Variants in DYNC1I2 observed in about 807,000 individuals in gnomAD.
The protein encoded by DYNC1I2 is cytoplasmic dynein 1 intermediate chain 2.
DYNC1I2 carries 53 observed loss-of-function variants against 88.6 expected under a neutral mutation model. That is an observed-to-expected ratio of 0.60 (90% confidence interval 0.48 to 0.75). DYNC1I2 has a LOEUF of 0.75. DYNC1I2 is among the 30% of genes least tolerant of loss of function. The pLI is 0.00. For synonymous variants in DYNC1I2, 198 were observed against 254.6 expected (o/e 0.78, Z 2.12); for missense variants, 458 against 766.6 (o/e 0.60, Z 4.75).
At position 171,709,659 on chromosome 2, in the gene DYNC1I2, TG is replaced by T. The variant is rs532117834; in HGVS notation, c.335+2284del. ...TCTTGTTAGATAATGAATACAAAAT[TG>T]GTTTCTTGTGAGTTTAACGGAGAGA... is the stretch of plus-strand genomic sequence containing the variant. On this transcript the variant is annotated intron_variant, in intron 5 of 17. Transcript: ENST00000397119. Among the ~76,000 whole-genome samples the T allele has an allele frequency of 2.2e-3, 328 of 152,324 alleles. 1 individual carries two copies. In the Middle Eastern group the frequency reaches 0.027, roughly 13 times the overall value.
intron 7 of DYNC1I2, among the ~76,000 whole-genome samples, chr2:171,720,396 A>G (rs536875689): frequency 3.4e-4 from 52 of 152,286 alleles, no homozygotes; most frequent in Admixed American, 3.4e-3. Flanking sequence ...TGATCTTAAC[A>G]TTTGGAATTC....
At chr2:171,700,950 C>G (rs1025453058) in intron 3 of DYNC1I2, among the ~76,000 whole-genome samples, 1 of 151,750 alleles carries the variant, frequency 6.6e-6, no homozygotes, top group African/African-American at 2.4e-5. Flanking sequence ...AGTTTTATAG[C>G]CTGTCTTAGG....
chr2:171,723,613 A>G (rs567168020), intron 7 of DYNC1I2, among the ~76,000 whole-genome samples: 1 of 152,340 alleles, frequency 6.6e-6, no homozygotes, highest in East Asian at 1.9e-4. Flanking sequence ...ATGAGAATTC[A>G]TCTAAAAAGG....
At chr2:171,726,657 A>C in intron 10 of DYNC1I2, 134 bp from the exon 11 acceptor site, 1 of 984,382 alleles carries the variant, frequency 1.0e-6, no homozygotes, top group South Asian at 2.0e-5. Context: ...GCATAATGCT[A>C]GAGATGTCTC....
intron 3 of DYNC1I2, among the ~76,000 whole-genome samples, chr2:171,704,346 CT>C (rs761294733): frequency 2.0e-4 from 25 of 124,188 alleles, no homozygotes; most frequent in Admixed American, 2.4e-4. Context: ...TTTTTTTTTT[CT>C]TTTTTTTTTT....
intron 14 of DYNC1I2, 98 bp from the exon 15 acceptor site, chr2:171,729,611 T>C (rs1688475891): frequency 7.0e-6 from 9 of 1,280,328 alleles, no homozygotes; most frequent in Non-Finnish European, 9.8e-6. Context: ...TCTGTCAAAA[T>C]GAAGTCAAGG....
chr2:171,708,549 T>G (rs1255056811), intron 5 of DYNC1I2, among the ~76,000 whole-genome samples: 1 of 152,214 alleles, frequency 6.6e-6, no homozygotes, highest in Non-Finnish European at 1.5e-5. Flanking sequence ...CAAAATTTTC[T>G]TTTTAGAAAT....
intron 2 of DYNC1I2, among the ~76,000 whole-genome samples, chr2:171,690,693 A>G (rs1685338559): frequency 1.5e-5 from 2 of 137,426 alleles, no homozygotes; most frequent in African/African-American, 2.8e-5. Flanking sequence ...TCACTGTGTC[A>G]CTCGGACTGG....
At chr2:171,694,987 C>G (rs758599353) in intron 3 of DYNC1I2, among the ~76,000 whole-genome samples, 1 of 152,188 alleles carries the variant, frequency 6.6e-6, no homozygotes, top group Non-Finnish European at 1.5e-5. Flanking sequence ...TCTTGAAAGA[C>G]CATTCTTTAG....
chr2:171,740,578 A>G (rs936799148), intron 15 of DYNC1I2, among the ~76,000 whole-genome samples: 13 of 152,098 alleles, frequency 8.5e-5, no homozygotes, highest in Non-Finnish European at 1.5e-5. Flanking sequence ...GTGTTCCTAG[A>G]TACACAGGAT....
At chr2:171,716,591 C>A (rs1687509078) in intron 7 of DYNC1I2, among the ~76,000 whole-genome samples, 1 of 152,030 alleles carries the variant, frequency 6.6e-6, no homozygotes, top group Admixed American at 6.6e-5. Context: ...TTTAAATTTT[C>A]ATATTTGCCT....
At chr2:171,694,074 C>G (rs1490609641) in intron 3 of DYNC1I2, among the ~76,000 whole-genome samples, 1 of 150,614 alleles carries the variant, frequency 6.6e-6, no homozygotes, top group South Asian at 2.1e-4. Context: ...GTCTCACTCA[C>G]TCTCCCAGGC....
chr2:171,727,563 T>G (rs993479130), intron 11 of DYNC1I2, among the ~76,000 whole-genome samples: 14 of 152,170 alleles, frequency 9.2e-5, no homozygotes, highest in African/African-American at 3.4e-4. Context: ...AATAACTTTT[T>G]GCTTTCTTTG....
intron 15 of DYNC1I2, among the ~76,000 whole-genome samples, chr2:171,735,522 C>T (rs1574621761): frequency 6.6e-6 from 1 of 152,154 alleles, no homozygotes; most frequent in African/African-American, 2.4e-5. Flanking sequence ...AAATCTGAAA[C>T]ACTTCTGGTT....
At chr2:171,701,571 TGTTA>T (rs1388746824) in intron 3 of DYNC1I2, among the ~76,000 whole-genome samples, 2 of 152,220 alleles carry the variant, frequency 1.3e-5, no homozygotes, top group African/African-American at 4.8e-5. Context: ...AACTTCATAC[TGTTA>T]GTTTAATGTT....
At chr2:171,747,187 G>A (rs555436267) in intron 17 of DYNC1I2, among the ~76,000 whole-genome samples, 16 of 105,266 alleles carry the variant, frequency 1.5e-4, no homozygotes, top group Admixed American at 4.4e-4. Flanking sequence ...GAGTGGGACT[G>A]TCTCAAAAAA....
At position 171,748,545 on chromosome 2, in the gene DYNC1I2, A is replaced by C. The variant is rs1689942926; in HGVS notation, c.*656A>C. 6.6e-6 allele frequency: 1 copy of C among 152,182 alleles called. No homozygotes were observed. The highest frequency in any genetic ancestry group is 2.1e-4 in the South Asian group (1 of 4,836). The allele number at this position is 152,182 out of a possible 1,614,324, so 9.4% of individuals were successfully genotyped here. On this transcript the variant is annotated 3_prime_UTR_variant, in exon 18 of 18. Coordinates refer to ENST00000397119, the MANE Select transcript of DYNC1I2 (RefSeq NM_001378.3). ...AATCCTATAGAGCTGTGTACCCTAA[A>C]TATACCATGTGGTATATACTATAGA... is the stretch of plus-strand genomic sequence containing the variant.
intron 2 of DYNC1I2, among the ~76,000 whole-genome samples, chr2:171,690,661 T>G (rs1040434759): frequency 4.7e-5 from 7 of 150,344 alleles, no homozygotes; most frequent in African/African-American, 1.7e-4. Flanking sequence ...TGGGTTTTTT[T>G]TTTTTTTTTT....
intron 1 of DYNC1I2, chr2:171,688,297 C>T (rs1685122437): frequency 6.6e-6 from 1 of 152,200 alleles, no homozygotes; most frequent in African/African-American, 2.4e-5. Context: ...ACTCTAGAGA[C>T]TCTCTTCTCT....
Sources: allele counts gnomAD v4.1 joint callset (sites outside exome capture counted in the v4.1 genomes callset), GRCh38; gene constraint gnomAD v4.1.1; transcripts MANE v1.5; gene names NCBI Gene and HGNC (gene_info 2026-07-23, HGNC 2026-07-21).